The following DDC variants were observed in gnomAD, a reference collection of about 807,000 sequenced individuals.
DDC encodes aromatic-L-amino-acid decarboxylase.
A neutral mutation model predicts 60.0 loss-of-function variants in DDC; 43 were observed. That is an observed-to-expected ratio of 0.72 (90% confidence interval 0.56 to 0.92). DDC has a LOEUF of 0.92. Among genes scored for constraint, DDC ranks in the 40% least tolerant of loss-of-function variants. The pLI, the probability that DDC is intolerant of heterozygous loss-of-function variation, is 0.00. For synonymous variants in DDC, 232 were observed against 234.6 expected (o/e 0.99, Z 0.10); for missense variants, 573 against 620.2 (o/e 0.92, Z 0.81).
rs549957718 is a variant in DDC at position 50,492,462 on chromosome 7, AAG to A, written c.944+2886_944+2887del. 2.0e-5 allele frequency among the ~76,000 whole-genome samples: 3 copies of A among 152,292 alleles called. No homozygotes were observed. In the South Asian group the frequency reaches 6.2e-4, roughly 32 times the overall value. On this transcript the variant is annotated intron_variant, in intron 9 of 14. Transcript: ENST00000444124. The stretch of plus-strand genomic sequence containing the variant: ...CGAGAACGCACCGGCTCAGGAGAGA[AAG>A]AGCACATTCTCTATTGCAATTTAAA...
chr7:50,479,974 G>A, intron 9 of DDC, 111 bp from the exon 10 acceptor site: 1 of 705,632 alleles, frequency 1.4e-6, no homozygotes, highest in Non-Finnish European at 2.5e-6. Context: ...GCCCTGCCCT[G>A]AACACCACTC....
At position 50,543,938 on chromosome 7, in the gene DDC, G is replaced by A. The variant is rs750489818; in HGVS notation, c.148C>T (p.Pro50Ser). ...TTGATGATGTCCTCAAACGTGTCTGGCTCCTGAGGGGCAGCGGCAGGGATC... is the reference window on the plus strand; with the variant it reads ...TTGATGATGTCCTCAAACGTGTCTGACTCCTGAGGGGCAGCGGCAGGGATC... ...PLIPAAAPQE[P>S]DTFEDIINDV... Residue 50 changes from proline (P) to serine (S), a missense_variant, in exon 2 of 15, where the codon CCA becomes TCA. Coordinates refer to ENST00000444124, the MANE Select transcript of DDC (RefSeq NM_001082971.2). 1 of 1,614,128 alleles carries A rather than the reference G, an allele frequency of 6.2e-7. No homozygotes were observed. The highest frequency in any genetic ancestry group is 2.2e-5 in the East Asian group (1 of 44,884).
At chr7:50,485,296 AG>A (rs1287217831) in intron 9 of DDC, among the ~76,000 whole-genome samples, 1 of 152,238 alleles carries the variant, frequency 6.6e-6, no homozygotes, top group African/African-American at 2.4e-5. Flanking sequence ...ATGAACAATA[AG>A]AAGCTTATGA....
intron 10 of DDC, among the ~76,000 whole-genome samples, chr7:50,477,206 T>C (rs754581726): frequency 2.0e-5 from 3 of 152,206 alleles, no homozygotes; most frequent in Non-Finnish European, 4.4e-5. Context: ...GAAAAATGGA[T>C]GATTTGCTTT....
chr7:50,465,475 G>A (rs1022234947), intron 13 of DDC, among the ~76,000 whole-genome samples: 2 of 146,384 alleles, frequency 1.4e-5, no homozygotes, highest in African/African-American at 5.0e-5. Context: ...GGTTCAATGT[G>A]GTTCTCCTGC....
intron 6 of DDC, among the ~76,000 whole-genome samples, chr7:50,506,666 A>G (rs1460772882): frequency 6.6e-6 from 1 of 152,232 alleles, no homozygotes; most frequent in Non-Finnish European, 1.5e-5. Flanking sequence ...TAGTTAAACC[A>G]TGTATGTGGG....
chr7:50,505,597 CAA>C (rs1563010719), intron 6 of DDC, among the ~76,000 whole-genome samples: 1 of 152,206 alleles, frequency 6.6e-6, no homozygotes, highest in African/African-American at 2.4e-5. Flanking sequence ...TAGAGAGAGA[CAA>C]AGTGTTCATG....
At chr7:50,556,954 G>T (rs2045208668) in intron 1 of DDC, among the ~76,000 whole-genome samples, 1 of 152,180 alleles carries the variant, frequency 6.6e-6, no homozygotes, top group Non-Finnish European at 1.5e-5. Flanking sequence ...CTGACGTCTT[G>T]GAGTCTCTGA....
chr7:50,476,479 C>G, intron 11 of DDC, 145 bp downstream of exon 11: 1 of 772,432 alleles, frequency 1.3e-6, no homozygotes, highest in Non-Finnish European at 2.3e-6. Flanking sequence ...GCAGGACCCC[C>G]CTAATTTGTC....
At chr7:50,540,690 C>G (rs1303937229) in intron 2 of DDC, among the ~76,000 whole-genome samples, 1 of 152,168 alleles carries the variant, frequency 6.6e-6, no homozygotes, top group East Asian at 1.9e-4. Context: ...TTTGCCCTGG[C>G]TAGGGGCATC....
intron 6 of DDC, among the ~76,000 whole-genome samples, chr7:50,508,081 G>A (rs982359533): frequency 1.3e-5 from 2 of 152,230 alleles, no homozygotes; most frequent in Non-Finnish European, 2.9e-5. Context: ...CTCAGCACCT[G>A]GGCCATGCCA....
intron 1 of DDC, among the ~76,000 whole-genome samples, chr7:50,548,784 T>C (rs1205520946): frequency 6.6e-6 from 1 of 152,204 alleles, no homozygotes; most frequent in Non-Finnish European, 1.5e-5. Context: ...AATATAGACA[T>C]CATAGCCTTC....
chr7:50,526,558 G>C (rs1345187474), intron 6 of DDC, among the ~76,000 whole-genome samples: 5 of 152,126 alleles, frequency 3.3e-5, no homozygotes, highest in Non-Finnish European at 7.4e-5. Flanking sequence ...ATAGAGAAAA[G>C]CAATCATATA....
chr7:50,554,211 C>T (rs2045106109), intron 1 of DDC, among the ~76,000 whole-genome samples: 1 of 152,124 alleles, frequency 6.6e-6, no homozygotes. Flanking sequence ...AAATACCTCC[C>T]TCCAGTGCTG....
At chr7:50,526,529 T>A (rs933756553) in intron 6 of DDC, among the ~76,000 whole-genome samples, 2 of 152,044 alleles carry the variant, frequency 1.3e-5, no homozygotes, top group African/African-American at 4.8e-5. Context: ...AAATAATTAA[T>A]CCAAGAAGAG....
At chr7:50,475,632 T>C (rs2042625053) in intron 11 of DDC, among the ~76,000 whole-genome samples, 1 of 151,976 alleles carries the variant, frequency 6.6e-6, no homozygotes, top group South Asian at 2.1e-4. Flanking sequence ...CACACCTCTG[T>C]CGGGAAATGG....
intron 9 of DDC, among the ~76,000 whole-genome samples, chr7:50,493,436 C>T (rs1285967376): frequency 6.6e-6 from 1 of 152,172 alleles, no homozygotes; most frequent in Non-Finnish European, 1.5e-5. Context: ...CCCGCCAGAG[C>T]CTGTGGATGC....
chr7:50,528,200 C>T lies in DDC; in HGVS notation c.651G>A (p.Met217Ile). The T allele has an allele frequency of 6.2e-7, 1 of 1,614,120 alleles. No individual in the cohort carries two copies. Among genetic ancestry groups the T allele is most frequent in the Non-Finnish European group, 8.5e-7 (1 of 1,180,052 alleles). ...KAIPSDGNFA[M>I]RASALQEALE... ...GGGCTTCCTGCAGGGCAGACGCACGCATGGCGAAGTTGCCATCTGAGGGGA... is the reference window on the plus strand; with the variant it reads ...GGGCTTCCTGCAGGGCAGACGCACGTATGGCGAAGTTGCCATCTGAGGGGA... The change falls in exon 6 of 15, where the codon ATG becomes ATA. Residue 217 changes from methionine to isoleucine, a missense_variant. Transcript: ENST00000444124.
intron 6 of DDC, among the ~76,000 whole-genome samples, chr7:50,525,797 T>A (rs1181215603): frequency 6.6e-6 from 1 of 152,014 alleles, no homozygotes; most frequent in East Asian, 1.9e-4. Context: ...AAGTTAAAAT[T>A]TTTTAATGTT....
Sources: gnomAD v4.1 joint callset for allele counts (sites outside exome capture counted in the v4.1 genomes callset) on GRCh38, gnomAD v4.1.1 for gene constraint, MANE v1.5 for transcripts, NCBI Gene and HGNC (gene_info 2026-07-23, HGNC 2026-07-21) for gene names.